Variants in ADAM12 observed in about 807,000 individuals in gnomAD.
The protein encoded by ADAM12 is ADAM metallopeptidase domain 12, also known as disintegrin and metalloproteinase domain-containing protein 12.
In ADAM12, 70 loss-of-function variants were observed where a neutral mutation model predicts 106.4. The ratio of observed to expected loss-of-function variants is 0.66; its 90% CI spans 0.54 to 0.80. The LOEUF (loss-of-function observed/expected upper bound fraction) is 0.80. Ranked by LOEUF, ADAM12 falls within the 30% of genes least tolerant of loss-of-function variation. ADAM12 has a pLI of 0.00. For synonymous variants in ADAM12, 420 were observed against 433.5 expected (o/e 0.97, Z 0.39); for missense variants, 1,010 against 1,171.9 (o/e 0.86, Z 2.02).
rs56409749 is a variant in ADAM12 at position 126,019,808 on chromosome 10, G to T, written c.2547C>A (p.Asn849Lys). The change falls in exon 22 of 23, where the codon AAC becomes AAA. Residue 849 changes from asparagine to lysine, a missense_variant. Around this residue, in one of 3 missense-constraint regions of ADAM12, gnomAD observed 615 missense variants for 708.5 expected, o/e 0.87. Coordinates refer to ENST00000448723, the MANE Select transcript of ADAM12 (RefSeq NM_001288973.2). ...CTGCAGGCAGAGGCTTCTGAGGGGG[G>T]TTTGGCTTACAGGTCCCCTGCAATA... ...LRQAQGTCKPNPPQKPLPADP... is the reference protein window; with the variant it reads ...LRQAQGTCKPKPPQKPLPADP... 3 of 1,613,770 alleles carry T rather than the reference G, an allele frequency of 1.9e-6. No homozygotes were observed. Among genetic ancestry groups the T allele is most frequent in the African/African-American group, 2.7e-5 (2 of 74,916 alleles).
At chr10:126,261,666 G>A (rs1217492698) in intron 3 of ADAM12, among the ~76,000 whole-genome samples, 2 of 152,076 alleles carry the variant, frequency 1.3e-5, no homozygotes, top group African/African-American at 2.4e-5. Context: ...ATAAGCAAAT[G>A]AACAAACATG....
intron 18 of ADAM12, among the ~76,000 whole-genome samples, chr10:126,042,557 C>T (rs1213426260): frequency 3.3e-5 from 5 of 152,198 alleles, no homozygotes; most frequent in Admixed American, 2.6e-4. Flanking sequence ...CACCACACAG[C>T]ACCTGCACAC....
At chr10:126,042,907 G>A (rs1954213326) in intron 18 of ADAM12, 133 bp downstream of exon 18, 1 of 763,952 alleles carries the variant, frequency 1.3e-6, no homozygotes, top group Non-Finnish European at 2.1e-6. Context: ...GGAGACCCTA[G>A]GCTGTGTAGA....
At chr10:126,099,498 T>C (rs917244339) in intron 9 of ADAM12, among the ~76,000 whole-genome samples, 1 of 151,742 alleles carries the variant, frequency 6.6e-6, no homozygotes, top group Non-Finnish European at 1.5e-5. Context: ...GATATAATTA[T>C]ACATGTATAT....
At chr10:126,222,691 G>A (rs1008164762) in intron 3 of ADAM12, among the ~76,000 whole-genome samples, 3 of 152,090 alleles carry the variant, frequency 2.0e-5, no homozygotes, top group South Asian at 2.1e-4. Flanking sequence ...TTTTCTAACC[G>A]TAAAGAAGAC....
chr10:126,279,039 C>T, intron 2 of ADAM12, 51 bp from the exon 3 acceptor site: 1 of 1,413,162 alleles, frequency 7.1e-7, no homozygotes, highest in South Asian at 1.2e-5. Context: ...CTTTGATTTG[C>T]AAATAGCTGA....
At chr10:126,255,648 C>T (rs1465578655) in intron 3 of ADAM12, among the ~76,000 whole-genome samples, 1 of 152,240 alleles carries the variant, frequency 6.6e-6, no homozygotes, top group East Asian at 1.9e-4. Flanking sequence ...CTTCCTCCTG[C>T]CCACGGAGGG....
intron 1 of ADAM12, among the ~76,000 whole-genome samples, chr10:126,380,666 A>C (rs966396324): frequency 6.6e-5 from 10 of 152,230 alleles, no homozygotes; most frequent in African/African-American, 2.4e-4. Context: ...CTAACCAAAC[A>C]TATGAAGAAA....
chr10:126,169,026 CTGGGCCACAGAG>C (rs1276151380), intron 3 of ADAM12, among the ~76,000 whole-genome samples: 2 of 152,166 alleles, frequency 1.3e-5, no homozygotes. Flanking sequence ...GCACTCCAGC[CTGGGCCACAGAG>C]TGGGACTCCG....
chr10:126,332,786 C>T (rs953809828), intron 1 of ADAM12, among the ~76,000 whole-genome samples: 6 of 152,178 alleles, frequency 3.9e-5, no homozygotes, highest in East Asian at 1.9e-4. Context: ...AGGGACGCAT[C>T]GGCCGGTTTC....
intron 14 of ADAM12, among the ~76,000 whole-genome samples, chr10:126,057,990 G>A (rs900870553): frequency 1.3e-5 from 2 of 152,208 alleles, no homozygotes; most frequent in African/African-American, 4.8e-5. Context: ...CAGGTTATAT[G>A]ATCGGGTCAA....
chr10:126,126,034 CT>C (rs1451804075), intron 5 of ADAM12, among the ~76,000 whole-genome samples: 3 of 152,108 alleles, frequency 2.0e-5, no homozygotes, highest in Non-Finnish European at 4.4e-5. Flanking sequence ...GACTTCTGGC[CT>C]GAAAAGCAGT....
At chr10:126,242,573 C>T (rs1315205665) in intron 3 of ADAM12, among the ~76,000 whole-genome samples, 2 of 152,198 alleles carry the variant, frequency 1.3e-5, no homozygotes, top group African/African-American at 2.4e-5. Flanking sequence ...AGAGCGTGGG[C>T]GTCTCCTGGC....
chr10:126,369,013 C>A (rs2133916868), intron 1 of ADAM12, among the ~76,000 whole-genome samples: 1 of 152,276 alleles, frequency 6.6e-6, no homozygotes, highest in Middle Eastern at 3.4e-3. Flanking sequence ...AATTAGCATC[C>A]ATTACAGCAT....
At chr10:126,278,759 T>G (rs1959403628) in intron 3 of ADAM12, among the ~76,000 whole-genome samples, 156 bp downstream of exon 3, 1 of 152,228 alleles carries the variant, frequency 6.6e-6, no homozygotes, top group East Asian at 1.9e-4. Context: ...CATTAGATAA[T>G]TTTTTAAAGT....
chr10:126,031,118 T>A (rs544736521), intron 21 of ADAM12, among the ~76,000 whole-genome samples: 1 of 152,250 alleles, frequency 6.6e-6, no homozygotes, highest in South Asian at 2.1e-4. Flanking sequence ...GGGTGAGATC[T>A]GGAATGCAGG....
chr10:126,321,909 G>GC (rs1264409304), intron 2 of ADAM12, among the ~76,000 whole-genome samples: 16 of 143,108 alleles, frequency 1.1e-4, no homozygotes, highest in Non-Finnish European at 2.2e-4. Context: ...GGGGGTCGGG[G>GC]GGGGGGCTTC....
intron 10 of ADAM12, among the ~76,000 whole-genome samples, chr10:126,095,629 TC>T (rs1955543993): frequency 6.6e-6 from 1 of 151,426 alleles, no homozygotes; most frequent in Non-Finnish European, 1.5e-5. Flanking sequence ...GTTAATGCAT[TC>T]ATGGTTTATC....
chr10:126,350,117 C>T (rs2133885017), intron 1 of ADAM12, among the ~76,000 whole-genome samples: 1 of 152,254 alleles, frequency 6.6e-6, no homozygotes, highest in Admixed American at 6.5e-5. Context: ...TTTCAATGCT[C>T]TCCCTGTCCC....
Sources: allele counts gnomAD v4.1 joint callset (sites outside exome capture counted in the v4.1 genomes callset), GRCh38; gene constraint gnomAD v4.1.1; regional missense constraint gnomAD v4.1.1; transcripts MANE v1.5; gene names NCBI Gene and HGNC (gene_info 2026-07-23, HGNC 2026-07-21).